STOX2: variants seen among roughly 807,000 people sequenced by gnomAD.
STOX2 encodes storkhead box 2.
In STOX2, 28 loss-of-function variants were observed where a neutral mutation model predicts 60.9. That is an observed-to-expected ratio of 0.46 (90% CI 0.34 to 0.63). The LOEUF (loss-of-function observed/expected upper bound fraction) is 0.63, where lower values mean the gene tolerates loss of function less well. Among genes scored for constraint, STOX2 ranks in the 30% least tolerant of loss-of-function variants. STOX2 has a pLI of 0.01. For synonymous variants in STOX2, 472 were observed against 463.9 expected (o/e 1.02, Z -0.22); for missense variants, 1,024 against 1,187.7 (o/e 0.86, Z 2.03).
In STOX2 at chr4:183,865,638, GA is replaced by G. The variant is rs1033775992; in HGVS notation, c.364+67590del. Reference sequence around the variant, plus strand: ...ATAGAAAGAATTTATGGGATGTAAAGAAAAAAATTCACTGAAGAGGAGGTAG... The same window carrying G: ...ATAGAAAGAATTTATGGGATGTAAAGAAAAAATTCACTGAAGAGGAGGTAG... On this transcript the variant is annotated intron_variant, in intron 1 of 2. Coordinates refer to the STOX2 transcript ENST00000513034. This position sits in a 1 kb window ranked among gnomAD's most constrained non-coding sequence, Gnocchi z 4.1. Among the ~76,000 whole-genome samples the G allele has an allele frequency of 3.9e-5, 6 of 152,208 alleles. No homozygotes were observed. Among genetic ancestry groups the G allele is most frequent in the East Asian group, 1.9e-4 (1 of 5,184 alleles).
At chr4:183,918,981 A>G (rs1354829223) in intron 1 of STOX2, among the ~76,000 whole-genome samples, 1 of 152,234 alleles carries the variant, frequency 6.6e-6, no homozygotes, top group African/African-American at 2.4e-5. Flanking sequence ...CATTTGCAAC[A>G]TATCCTTTCC....
At chr4:183,912,393 C>G (rs1431951333) in intron 1 of STOX2, among the ~76,000 whole-genome samples, 1 of 152,190 alleles carries the variant, frequency 6.6e-6, no homozygotes, top group Non-Finnish European at 1.5e-5. Flanking sequence ...TCTCTTTCCC[C>G]CACTGTTCAC....
chr4:183,909,867 C>T (rs1473672654), intron 1 of STOX2, among the ~76,000 whole-genome samples: 1 of 152,160 alleles, frequency 6.6e-6, no homozygotes. Flanking sequence ...TTGGCCTTTC[C>T]GATACCTTCA....
Position 184,001,417 on chromosome 4 carries a change from T to G in STOX2, c.259T>G (p.Ser87Ala), listed in dbSNP as rs769151007. 5 of 1,613,860 alleles carry G rather than the reference T, an allele frequency of 3.1e-6. No individual in the cohort carries two copies. In the South Asian group the frequency reaches 5.5e-5, roughly 18 times the overall value. ...ILCLAISAMN[S>A]ARKPVTQEAL... ...CTGCTTGGCCATCTCAGCAATGAAC[T>G]CGGCAAGAAAGCCTGTCACCCAAGA... The change falls in exon 2 of 4, where the codon TCG (serine) becomes GCG (alanine). Residue 87 changes from serine (S) to alanine (A), a missense_variant. By Grantham distance (99) the Ser-to-Ala change is moderately conservative. Transcript: ENST00000308497. This position sits in a 1 kb window ranked among gnomAD's most constrained non-coding sequence, Gnocchi z 4.2.
rs1015758706 is a variant in STOX2, at chr4:184,017,755, A to G, written c.*471A>G. 3.9e-5 allele frequency: 6 copies of G among 152,190 alleles called. No homozygotes were observed. Among genetic ancestry groups the G allele is most frequent in the Non-Finnish European group, 5.9e-5 (4 of 68,100 alleles). 9.4% of individuals were successfully genotyped at this position (152,190 alleles called of 1,614,324 possible). ...AAAAAACAAAAAACAAAACTAAGCT[A>G]CCACGAAATGTCAAATGCAAGGGTC... On this transcript the variant is annotated 3_prime_UTR_variant, in exon 4 of 4. Transcript: ENST00000308497.
At chr4:183,873,438 C>T (rs1740740331) in intron 1 of STOX2, among the ~76,000 whole-genome samples, 1 of 125,122 alleles carries the variant, frequency 8.0e-6, no homozygotes. Context: ...AAGAGCAAAA[C>T]TCTGTCTCAA....
upstream of STOX2, among the ~76,000 whole-genome samples, chr4:183,905,150 G>T (rs923444196): frequency 2.6e-5 from 4 of 152,242 alleles, no homozygotes; most frequent in Admixed American, 1.3e-4. Flanking sequence ...CGTGGTCGGG[G>T]TTAGCAGCAA....
chr4:183,939,469 C>T (rs969534646), intron 1 of STOX2, among the ~76,000 whole-genome samples: 4 of 152,270 alleles, frequency 2.6e-5, no homozygotes, highest in Admixed American at 1.3e-4. Flanking sequence ...CTTCTCATCT[C>T]GAGTTCCTTA....
chr4:184,011,394 C>A lies in STOX2; in HGVS notation c.2556C>A (p.Ile852=). The part of the protein sequence containing the change: ...ARLDSMDSSS[I]TVDSGFNSPR... ...TCGACAGCATGGACAGCAGCAGCATCACAGTGGACAGTGGATTCAACTCCC... is the reference window on the plus strand; with the variant it reads ...TCGACAGCATGGACAGCAGCAGCATAACAGTGGACAGTGGATTCAACTCCC... Residue 852 remains isoleucine (I), a synonymous_variant, in exon 3 of 4, where the codon ATC becomes ATA. Transcript: ENST00000308497. The surrounding 1 kb of genome is among the most constrained non-coding windows in gnomAD (Gnocchi z 4.4). 6.2e-7 allele frequency: 1 copy of A among 1,612,942 alleles called. No individual in the cohort carries two copies. The highest frequency in any genetic ancestry group is 8.5e-7 in the Non-Finnish European group (1 of 1,179,402).
In STOX2 at chr4:184,017,084, T is replaced by C; in HGVS notation, c.2586-5T>C. 1 of 1,600,348 alleles carries C rather than the reference T, an allele frequency of 6.2e-7. No individual in the cohort carries two copies. Among genetic ancestry groups the C allele is most frequent in the Non-Finnish European group, 8.5e-7 (1 of 1,174,314 alleles). ...AAACAAAACAAACCCTTTTTGCTCTTTTAGTACTCGGGAGAGCCTGGCTTC... is the reference window on the plus strand; with the variant it reads ...AAACAAAACAAACCCTTTTTGCTCTCTTAGTACTCGGGAGAGCCTGGCTTC... On this transcript the variant is annotated splice_polypyrimidine_tract_variant and splice_region_variant and intron_variant, in intron 3 of 3. Coordinates refer to ENST00000308497, the MANE Select transcript of STOX2 (RefSeq NM_020225.3).
At chr4:183,960,069 G>A (rs564225782) in intron 1 of STOX2, among the ~76,000 whole-genome samples, 3 of 152,330 alleles carry the variant, frequency 2.0e-5, no homozygotes, top group Admixed American at 2.0e-4. Context: ...AAAAGGAAAA[G>A]TAATATAACA....
chr4:183,896,340 T>C (rs947120298), intron 1 of STOX2, among the ~76,000 whole-genome samples: 3 of 152,178 alleles, frequency 2.0e-5, no homozygotes, highest in African/African-American at 7.2e-5. Flanking sequence ...GTGTCGTCTT[T>C]TCCTTGTTTA....
At chr4:183,932,999 A>G (rs777192980) in intron 1 of STOX2, among the ~76,000 whole-genome samples, 4 of 152,242 alleles carry the variant, frequency 2.6e-5, no homozygotes, top group Non-Finnish European at 5.9e-5. Flanking sequence ...CTTAGAATCC[A>G]TACGGAGTTG....
intron 1 of STOX2, among the ~76,000 whole-genome samples, chr4:183,868,745 T>TGTGTATA (rs1740627766): frequency 6.6e-6 from 1 of 152,244 alleles, no homozygotes; most frequent in African/African-American, 2.4e-5. Flanking sequence ...TGCAGCAAGC[T>TGTGTATA]GTGTATAGCT....
intron 1 of STOX2, among the ~76,000 whole-genome samples, chr4:183,935,181 C>T (rs1224045386): frequency 2.0e-5 from 3 of 152,298 alleles, no homozygotes; most frequent in East Asian, 3.9e-4. Flanking sequence ...ATGGATGTCC[C>T]GCAGGACAGT....
At chr4:183,970,077 A>C (rs955493662) in intron 1 of STOX2, among the ~76,000 whole-genome samples, 1 of 151,754 alleles carries the variant, frequency 6.6e-6, no homozygotes, top group Non-Finnish European at 1.5e-5. Context: ...TGGCCCATGC[A>C]TGAAAAAAAC....
intron 1 of STOX2, among the ~76,000 whole-genome samples, chr4:183,874,846 A>C (rs577119355): frequency 2.7e-4 from 39 of 143,328 alleles, no homozygotes; most frequent in East Asian, 2.7e-3. Context: ...GAATGGCGTG[A>C]ACCCAGGAGG....
chr4:183,971,626 G>C (rs894538929), intron 1 of STOX2, among the ~76,000 whole-genome samples: 2 of 152,222 alleles, frequency 1.3e-5, no homozygotes, highest in Non-Finnish European at 2.9e-5. Flanking sequence ...ACAGAGGTGG[G>C]AAAAGGCTAA....
intron 1 of STOX2, among the ~76,000 whole-genome samples, chr4:183,842,371 T>G (rs1739882970): frequency 6.6e-6 from 1 of 152,236 alleles, no homozygotes; most frequent in South Asian, 2.1e-4. Context: ...CACAGTCAGC[T>G]CCTATCAATT....
Sources: allele counts gnomAD v4.1 joint callset (sites outside exome capture counted in the v4.1 genomes callset), GRCh38; gene constraint gnomAD v4.1.1; non-coding constraint Gnocchi (gnomAD v3.1); transcripts MANE v1.5; gene names NCBI Gene and HGNC (gene_info 2026-07-23, HGNC 2026-07-21).